Variants in INPP4B observed in about 807,000 individuals in gnomAD.
INPP4B encodes inositol polyphosphate 4-phosphatase type II.
In INPP4B, 55 loss-of-function variants were observed where a neutral mutation model predicts 122.5. The ratio of observed to expected loss-of-function variants is 0.45; its 90% CI spans 0.36 to 0.56. The LOEUF (loss-of-function observed/expected upper bound fraction) is 0.56, where lower values mean the gene tolerates loss of function less well. Ranked by LOEUF, INPP4B falls within the 20% of genes least tolerant of loss-of-function variation. The pLI, the probability that INPP4B is intolerant of heterozygous loss-of-function variation, is 0.00. For missense variants in INPP4B, 1,000 were observed against 1,097.7 expected (o/e 0.91, Z 1.26); for synonymous variants, 403 against 388.7 (o/e 1.04, Z -0.43).
chr4:142,485,135 C>A (rs949497743), intron 2 of INPP4B, among the ~76,000 whole-genome samples: 16 of 151,966 alleles, frequency 1.1e-4, no homozygotes, highest in Admixed American at 5.3e-4. Context: ...TTTAACCTGA[C>A]ATTAAGGGAG....
chr4:142,369,569 C>T (rs1001260205), intron 7 of INPP4B, among the ~76,000 whole-genome samples: 8 of 147,560 alleles, frequency 5.4e-5, no homozygotes. Context: ...AGAATGAGAC[C>T]CTGTCTCGAA....
At chr4:142,472,062 T>G (rs1337157475) in intron 2 of INPP4B, among the ~76,000 whole-genome samples, 1 of 152,154 alleles carries the variant, frequency 6.6e-6, no homozygotes. Flanking sequence ...AAGGAATTCC[T>G]TTTTCCTTTA....
At chr4:142,504,839 A>G (rs1055099960) in intron 2 of INPP4B, among the ~76,000 whole-genome samples, 1 of 152,136 alleles carries the variant, frequency 6.6e-6, no homozygotes, top group African/African-American at 2.4e-5. Flanking sequence ...AAATGAAGAG[A>G]AACATGGAAG....
At chr4:142,275,384 T>C (rs1378431918) in intron 9 of INPP4B, among the ~76,000 whole-genome samples, 1 of 151,834 alleles carries the variant, frequency 6.6e-6, no homozygotes, top group Admixed American at 6.6e-5. Context: ...TCATTAGCAC[T>C]GTCAGCCTTT....
At chr4:142,684,339 G>A (rs1028765310) in intron 2 of INPP4B, among the ~76,000 whole-genome samples, 2 of 152,040 alleles carry the variant, frequency 1.3e-5, no homozygotes, top group African/African-American at 4.8e-5. Flanking sequence ...TAATCCCTTT[G>A]TGGAGACTCA....
intron 1 of INPP4B, among the ~76,000 whole-genome samples, chr4:142,748,058 T>C (rs1268717776): frequency 1.3e-5 from 2 of 152,050 alleles, no homozygotes; most frequent in Non-Finnish European, 2.9e-5. Context: ...TCACAGAGTA[T>C]GTTCTCTTCC....
intron 2 of INPP4B, among the ~76,000 whole-genome samples, chr4:142,708,062 T>C (rs1000561325): frequency 1.3e-5 from 2 of 152,164 alleles, no homozygotes; most frequent in Non-Finnish European, 2.9e-5. Flanking sequence ...GTTGGAGGCA[T>C]TGTAACCCTG....
chr4:142,331,691 G>C (rs888577308), intron 7 of INPP4B, among the ~76,000 whole-genome samples: 1 of 152,110 alleles, frequency 6.6e-6, no homozygotes, highest in Non-Finnish European at 1.5e-5. Flanking sequence ...GGAAACTTTG[G>C]CCATGGGAAA....
At chr4:142,749,004 G>T (rs1355558100) in intron 1 of INPP4B, among the ~76,000 whole-genome samples, 2 of 151,630 alleles carry the variant, frequency 1.3e-5, no homozygotes, top group Non-Finnish European at 2.9e-5. Flanking sequence ...TCCAGGTGTG[G>T]TGACACATAC....
At chr4:142,325,621 G>A (rs900074564) in intron 7 of INPP4B, among the ~76,000 whole-genome samples, 1 of 152,118 alleles carries the variant, frequency 6.6e-6, no homozygotes, top group Non-Finnish European at 1.5e-5. Flanking sequence ...ACAAATAAAA[G>A]CACTCTTTTA....
rs1014997381 is a variant in INPP4B at position 142,736,711 on chromosome 4, G to A, written c.-253-10810C>T. On this transcript the variant is annotated intron_variant, in intron 1 of 25. Transcript: ENST00000262992. ...AGGTGATTTTGGGCTGAGACGATGC[G>A]GTTTTCTAGATATACAATCATGTCA... Among the ~76,000 whole-genome samples, 18 of 152,066 alleles carry A rather than the reference G, an allele frequency of 1.2e-4. No homozygotes were observed. In the East Asian group the frequency reaches 1.5e-3, roughly 13 times the overall value.
At chr4:142,812,511 C>T (rs927269041) in intron 1 of INPP4B, among the ~76,000 whole-genome samples, 1 of 152,134 alleles carries the variant, frequency 6.6e-6, no homozygotes, top group Admixed American at 6.5e-5. Flanking sequence ...TCAATCCCAT[C>T]CTTACCAAAA....
chr4:142,505,382 C>A (rs1580233542), intron 2 of INPP4B, among the ~76,000 whole-genome samples: 1 of 151,954 alleles, frequency 6.6e-6, no homozygotes, highest in Non-Finnish European at 1.5e-5. Context: ...AGGAAAATTT[C>A]TCTGGCTATG....
intron 11 of INPP4B, among the ~76,000 whole-genome samples, 180 bp from the exon 12 acceptor site, chr4:142,238,191 G>A (rs1205816682): frequency 6.6e-6 from 1 of 151,578 alleles, no homozygotes; most frequent in Non-Finnish European, 1.5e-5. Flanking sequence ...TTTGATTAGT[G>A]TATCTGAATT....
At chr4:142,395,945 A>T (rs1799224668) in intron 7 of INPP4B, among the ~76,000 whole-genome samples, 1 of 152,164 alleles carries the variant, frequency 6.6e-6, no homozygotes, top group Non-Finnish European at 1.5e-5. Flanking sequence ...AGTCCCAATT[A>T]TGCAAGAAGA....
chr4:142,814,022 T>C (rs910922986), intron 1 of INPP4B, among the ~76,000 whole-genome samples: 7 of 152,140 alleles, frequency 4.6e-5, no homozygotes, highest in Admixed American at 2.6e-4. Context: ...TTCCTTCAAA[T>C]GTGGACTGAC....
chr4:142,571,188 C>T (rs1044086981), intron 2 of INPP4B, among the ~76,000 whole-genome samples: 1 of 151,840 alleles, frequency 6.6e-6, no homozygotes, highest in South Asian at 2.1e-4. Context: ...CCAATCCACC[C>T]AGCTCCTGCC....
chr4:142,513,303 G>C (rs942598497), intron 2 of INPP4B, among the ~76,000 whole-genome samples: 2 of 152,158 alleles, frequency 1.3e-5, no homozygotes, highest in African/African-American at 4.8e-5. Flanking sequence ...GTGTGTTAGG[G>C]GGAAAGCTGG....
At chr4:142,842,304 T>G (rs1783587849) in intron 1 of INPP4B, among the ~76,000 whole-genome samples, 1 of 151,432 alleles carries the variant, frequency 6.6e-6, no homozygotes, top group African/African-American at 2.4e-5. Flanking sequence ...TTTAAGGACA[T>G]ATACTGTATT....
Sources: gnomAD v4.1 joint callset for allele counts (sites outside exome capture counted in the v4.1 genomes callset) on GRCh38, gnomAD v4.1.1 for gene constraint, MANE v1.5 for transcripts, NCBI Gene and HGNC (gene_info 2026-07-23, HGNC 2026-07-21) for gene names.